ADAR: variants seen among roughly 807,000 people sequenced by gnomAD.
The protein encoded by ADAR is double-stranded RNA-specific adenosine deaminase.
Under a neutral mutation model 113.2 loss-of-function variants are expected in ADAR, and 41 were observed. The observed-to-expected ratio is 0.36, with a 90% confidence interval of 0.28 to 0.47. The LOEUF is 0.47. ADAR is among the 20% of genes least tolerant of loss of function. The probability of loss-of-function intolerance (pLI) is 1.00; values close to 1 mark genes in which losing one functional copy is unlikely to be tolerated. For missense variants in ADAR, 1,242 were observed against 1,540.9 expected, an observed-to-expected ratio of 0.81 and a Z score of 3.25; for synonymous variants, 605 against 572.6, an observed-to-expected ratio of 1.06 and a Z score of -0.81.
At chr1:154,593,275 A>G (rs578230650) in intron 6 of ADAR, among the ~76,000 whole-genome samples, 1 of 152,342 alleles carries the variant, frequency 6.6e-6, no homozygotes, top group South Asian at 2.1e-4. Flanking sequence ...CGAGATAGTT[A>G]ATAAACGTAG....
chr1:154,613,694 C>T (rs374284616), intron 1 of ADAR, among the ~76,000 whole-genome samples: 47 of 152,154 alleles, frequency 3.1e-4, no homozygotes, highest in African/African-American at 1.1e-3. Flanking sequence ...CACCTGAGGT[C>T]GGGAGTTCGA....
chr1:154,597,147 G>C lies in ADAR; in HGVS notation c.2055C>G (p.Thr685=), dbSNP rs1447125295. 1 of 1,614,186 alleles carries C rather than the reference G, an allele frequency of 6.2e-7. No homozygotes were observed. Among genetic ancestry groups the C allele is most frequent in the East Asian group, 2.2e-5 (1 of 44,886 alleles). Residue 685 remains threonine (T), a synonymous_variant, in exon 5 of 15, where the codon ACC becomes ACG. Coordinates refer to ENST00000368474, the MANE Select transcript of ADAR (RefSeq NM_001111.5). The part of the protein sequence containing the change: ...EAMKALHGEA[T]NSMASDNQPE... ...CCTGGTTATCAGAAGCCATGGAGTT[G>C]GTCGCCTCCCCATGCAGGGCCTTCA...
upstream of ADAR, chr1:154,608,747 A>G (rs2101674075): frequency 6.8e-6 from 1 of 147,466 alleles, no homozygotes; most frequent in East Asian, 2.1e-4. Context: ...AAGGCACACA[A>G]AACCTCAGGC....
At chr1:154,613,620 T>C (rs1417558892) in intron 1 of ADAR, among the ~76,000 whole-genome samples, 1 of 152,018 alleles carries the variant, frequency 6.6e-6, no homozygotes, top group Non-Finnish European at 1.5e-5. Context: ...AAGCAAGAAA[T>C]GTGGCCAGGC....
intron 1 of ADAR, among the ~76,000 whole-genome samples, chr1:154,621,743 T>A (rs1296610547): frequency 6.6e-6 from 1 of 152,190 alleles, no homozygotes; most frequent in Non-Finnish European, 1.5e-5. Context: ...GCACAGTAAG[T>A]ACTCAGGCAT....
chr1:154,606,848 A>G (rs2101662908), intron 1 of ADAR, among the ~76,000 whole-genome samples: 1 of 152,034 alleles, frequency 6.6e-6, no homozygotes, highest in East Asian at 1.9e-4. Context: ...CCTTTACCAC[A>G]CAGGTTCCAC....
At chr1:154,593,284 A>T (rs1016772372) in intron 6 of ADAR, among the ~76,000 whole-genome samples, 1 of 152,220 alleles carries the variant, frequency 6.6e-6, no homozygotes, top group African/African-American at 2.4e-5. Flanking sequence ...TAATAAACGT[A>T]GTTACTCAAT....
intron 10 of ADAR, 34 bp from the exon 11 acceptor site, chr1:154,588,292 G>C: frequency 6.2e-7 from 1 of 1,614,082 alleles, no homozygotes; most frequent in South Asian, 1.1e-5. Flanking sequence ...AAACTCACCT[G>C]TGGGAAATCT....
intron 1 of ADAR, among the ~76,000 whole-genome samples, chr1:154,617,620 A>G (rs1698671313): frequency 6.6e-6 from 1 of 152,182 alleles, no homozygotes; most frequent in African/African-American, 2.4e-5. Flanking sequence ...GGCTACCATT[A>G]CCATTGTTAT....
intron 1 of ADAR, among the ~76,000 whole-genome samples, chr1:154,615,826 T>C (rs1045286942): frequency 2.6e-5 from 4 of 151,222 alleles, no homozygotes; most frequent in African/African-American, 9.9e-5. Context: ...TTAATTTATA[T>C]TTTTAAAATG....
intron 6 of ADAR, among the ~76,000 whole-genome samples, chr1:154,591,572 C>T (rs182968164): frequency 1.3e-5 from 2 of 152,320 alleles, no homozygotes; most frequent in Admixed American, 1.3e-4. Flanking sequence ...TGGTAATTTC[C>T]AAACACAGAG....
At chr1:154,603,502 A>G (rs969681957) in intron 1 of ADAR, among the ~76,000 whole-genome samples, 1 of 152,014 alleles carries the variant, frequency 6.6e-6, no homozygotes, top group Non-Finnish European at 1.5e-5. Context: ...GACCAGTCCT[A>G]CCTTCCCTAG....
At chr1:154,624,256 T>G (rs1042899063) in intron 1 of ADAR, among the ~76,000 whole-genome samples, 1 of 152,192 alleles carries the variant, frequency 6.6e-6, no homozygotes, top group African/African-American at 2.4e-5. Flanking sequence ...TACAGTCCTT[T>G]TGGAGAAGAG....
In ADAR at chr1:154,589,587, A is replaced by ATATTCTCTCC. The variant is rs1422955741; in HGVS notation, c.2669-135_2669-126dup. 3 of 1,181,908 alleles carry ATATTCTCTCC rather than the reference A, an allele frequency of 2.5e-6. No individual in the cohort carries two copies. The African/African-American group carries it at 4.6e-5, about 18-fold the overall frequency. The allele number at this position is 1,181,908 out of a possible 1,614,324, so 73.2% of individuals were successfully genotyped here. A position where few individuals can be genotyped will look rare whatever the true frequency, so the allele number is the denominator to read the frequency against. Reference sequence around the variant, plus strand: ...TCAGTTTCTCAGATCCTAGACTCCCATATTCTCTCCTCTAGGAACTAAGAA... The same window carrying ATATTCTCTCC: ...TCAGTTTCTCAGATCCTAGACTCCCATATTCTCTCCTATTCTCTCCTCTAGGAACTAAGAA... On this transcript the variant is annotated intron_variant, in intron 8 of 14. Transcript: ENST00000368474.
intron 7 of ADAR, 50 bp downstream of exon 7, chr1:154,590,134 T>TCGGGGGGGG: frequency 1.4e-6 from 2 of 1,447,052 alleles, no homozygotes; most frequent in East Asian, 2.3e-5. Context: ...ACTTAGGAGT[T>TCGGGGGGGG]AGGAGGACCC....
chr1:154,588,329 C>T (rs928461120), intron 10 of ADAR, 71 bp from the exon 11 acceptor site: 42 of 1,607,566 alleles, frequency 2.6e-5, no homozygotes, highest in Non-Finnish European at 3.1e-5. Flanking sequence ...CCAAAACAGT[C>T]AGATGTGACA....
chr1:154,603,696 AG>A (rs1328571748), intron 1 of ADAR, among the ~76,000 whole-genome samples: 6 of 152,064 alleles, frequency 3.9e-5, no homozygotes, highest in Non-Finnish European at 7.4e-5. Context: ...AGGGTGATGG[AG>A]CCAGGAAGTA....
chr1:154,610,814 AAAAAAAAAAG>A (rs869071697), upstream of ADAR, among the ~76,000 whole-genome samples: 7,268 of 50,628 alleles, frequency 0.14, 457 homozygotes, highest in Non-Finnish European at 0.18. Flanking sequence ...GTCTCAAAAA[AAAAAAAAAAG>A]AAAAAAAAAA....
At chr1:154,615,612 C>A (rs767137880) in intron 1 of ADAR, among the ~76,000 whole-genome samples, 3 of 151,794 alleles carry the variant, frequency 2.0e-5, no homozygotes, top group Non-Finnish European at 2.9e-5. Context: ...TAGGGCCGCA[C>A]TATGTTGCCC....
Sources: gnomAD v4.1 joint callset for allele counts (sites outside exome capture counted in the v4.1 genomes callset) on GRCh38, gnomAD v4.1.1 for gene constraint, MANE v1.5 for transcripts, NCBI Gene and HGNC (gene_info 2026-07-23, HGNC 2026-07-21) for gene names.